NBN: variants seen among roughly 807,000 people sequenced by gnomAD.
NBN encodes Nijmegen breakage syndrome 1 (nibrin).
A neutral mutation model predicts 90.8 loss-of-function variants in NBN; 88 were observed. That is an observed-to-expected ratio of 0.97 (90% CI 0.82 to 1.16). NBN has a LOEUF of 1.16. Ranked by LOEUF, NBN falls within the 50% of genes most tolerant of loss-of-function variation. The pLI, the probability that NBN is intolerant of heterozygous loss-of-function variation, is 0.00. For missense variants in NBN, 894 were observed against 869.6 expected (o/e 1.03, Z -0.35); for synonymous variants, 328 against 295.1 (o/e 1.11, Z -1.14).
rs918518363 is a variant in NBN, at chr8:89,935,341, T to C, written c.*241A>G. 2 of 466,900 alleles carry C rather than the reference T, an allele frequency of 4.3e-6. No individual in the cohort carries two copies. The highest frequency in any genetic ancestry group is 3.6e-5 in the Admixed American group (1 of 27,774). 28.9% of individuals were successfully genotyped at this position (466,900 alleles called of 1,614,324 possible). ...AATTTTGAACTGTGACTATATTAAC[T>C]ATTTAATAAACAAAACACATTTAAA... is the stretch of plus-strand genomic sequence containing the variant. On this transcript the variant is annotated 3_prime_UTR_variant, in exon 16 of 16. Coordinates refer to ENST00000265433, the MANE Select transcript of NBN (RefSeq NM_002485.5).
intron 2 of NBN, chr8:89,982,282 T>G (rs1037114048): frequency 1.2e-5 from 3 of 244,640 alleles, no homozygotes; most frequent in Non-Finnish European, 2.5e-5. Flanking sequence ...AATGCCCGTT[T>G]CCACACAGCT....
intron 5 of NBN, among the ~76,000 whole-genome samples, chr8:89,972,211 C>T (rs1201148643): frequency 6.6e-6 from 1 of 152,202 alleles, no homozygotes; most frequent in Non-Finnish European, 1.5e-5. Context: ...TTACATCTTT[C>T]CCCTGGACTT....
intron 1 of NBN, chr8:89,984,068 A>G (rs913813692): frequency 5.5e-6 from 1 of 183,382 alleles, no homozygotes; most frequent in African/African-American, 2.4e-5. Context: ...GTCTGAAACA[A>G]AACTGAAAGT....
intron 9 of NBN, among the ~76,000 whole-genome samples, chr8:89,955,909 C>A (rs937895411): frequency 6.6e-6 from 1 of 151,756 alleles, no homozygotes; most frequent in African/African-American, 2.4e-5. Context: ...ATTATTCCCA[C>A]GTAAAATCAC....
At chr8:89,982,547 T>C (rs980205568) in intron 2 of NBN, 175 bp downstream of exon 2, 5 of 619,218 alleles carry the variant, frequency 8.1e-6, no homozygotes, top group African/African-American at 1.8e-5. Context: ...AATGAACAAA[T>C]ACCACTGGTA....
chr8:89,958,772 G>C lies in NBN; in HGVS notation c.1077C>G (p.Asn359Lys). 1 of 1,614,132 alleles carries C rather than the reference G, an allele frequency of 6.2e-7. No homozygotes were observed. Among genetic ancestry groups the C allele is most frequent in the Non-Finnish European group, 8.5e-7 (1 of 1,179,984 alleles). The stretch of plus-strand genomic sequence containing the variant: ...CTGTGTCAGCTACGTATGTTGTAGT[G>C]TTCACTGGGGCGCTTGGCATTAGTT... ...DEKLMPSAPVNTTTYVADTES... is the reference protein window; with the variant it reads ...DEKLMPSAPVKTTTYVADTES... Residue 359 changes from asparagine to lysine, a missense_variant, in exon 9 of 16, where the codon AAC becomes AAG. Coordinates refer to ENST00000265433, the MANE Select transcript of NBN (RefSeq NM_002485.5).
rs960047543 is a variant in NBN at position 89,944,562 on chromosome 8, G to A, written c.2071-1196C>T. On this transcript the variant is annotated intron_variant, in intron 13 of 15. Transcript: ENST00000265433. ...CCTTTTCCAAATCTATACTGTTGTCGGTAAATTCTTTTCACCAACCCGCAA... is the reference window on the plus strand; with the variant it reads ...CCTTTTCCAAATCTATACTGTTGTCAGTAAATTCTTTTCACCAACCCGCAA... Among the ~76,000 whole-genome samples, 4 of 151,968 alleles carry A rather than the reference G, an allele frequency of 2.6e-5. No individual in the cohort carries two copies. In the East Asian group the frequency reaches 5.8e-4, roughly 22 times the overall value.
chr8:89,955,283 CT>C lies in NBN; in HGVS notation c.1396del (p.Arg466GlyfsTer18), dbSNP rs1349928568. ...RNYFQPSTKK[R>X]ERDEENQEMS... ...ATGAGAGAAGTTATCAAAAACAGAC[CT>C]TTTTTTGGTAGACGGCTGAAAGTAG... On this transcript the variant is annotated frameshift_variant and splice_region_variant, in exon 10 of 16. Coordinates refer to ENST00000265433, the MANE Select transcript of NBN (RefSeq NM_002485.5). LOFTEE classifies it high-confidence loss of function. 2 of 1,612,980 alleles carry C rather than the reference CT, an allele frequency of 1.2e-6. No homozygotes were observed. Among genetic ancestry groups the C allele is most frequent in the Non-Finnish European group, 8.5e-7 (1 of 1,179,392 alleles).
intron 5 of NBN, among the ~76,000 whole-genome samples, chr8:89,974,565 C>T (rs746944346): frequency 1.2e-4 from 19 of 152,118 alleles, no homozygotes; most frequent in African/African-American, 2.9e-4. Flanking sequence ...AAGCAAGCAG[C>T]ATGAGCCCCA....
chr8:89,956,321 A>C (rs1810715374), intron 9 of NBN, among the ~76,000 whole-genome samples: 1 of 152,076 alleles, frequency 6.6e-6, no homozygotes, highest in Non-Finnish European at 1.5e-5. Context: ...AAAATAAATA[A>C]GGTTTAATAC....
At chr8:89,959,302 G>C (rs1810881746) in intron 8 of NBN, among the ~76,000 whole-genome samples, 1 of 152,116 alleles carries the variant, frequency 6.6e-6, no homozygotes, top group Admixed American at 6.5e-5. Context: ...ATAAACTTCT[G>C]GCTACTCCAG....
chr8:89,975,058 A>G (rs978933860), intron 5 of NBN, among the ~76,000 whole-genome samples: 3 of 152,238 alleles, frequency 2.0e-5, no homozygotes, highest in Admixed American at 1.3e-4. Flanking sequence ...TAGAGCACAG[A>G]TTATTGAAAT....
intron 9 of NBN, among the ~76,000 whole-genome samples, chr8:89,956,977 T>C (rs1394364744): frequency 6.6e-6 from 1 of 152,202 alleles, no homozygotes; most frequent in Non-Finnish European, 1.5e-5. Context: ...TGTATAAAAG[T>C]ATAGCACAAC....
In NBN at chr8:89,983,868, C is replaced by G. The variant is rs13312849; in HGVS notation, c.37+657G>C. Among the ~76,000 whole-genome samples the G allele has an allele frequency of 2.8e-4, 43 of 152,210 alleles. 1 individual carries two copies. Among genetic ancestry groups the G allele is most frequent in the Admixed American group, 2.0e-3 (30 of 15,292 alleles). ...TTTATTTAGTTTGGCGCTCTCCATA[C>G]TCTCTTACCCTGCCAGTCCATTTAG... is the stretch of plus-strand genomic sequence containing the variant. On this transcript the variant is annotated intron_variant, in intron 1 of 15. Coordinates refer to ENST00000265433, the MANE Select transcript of NBN (RefSeq NM_002485.5).
chr8:89,982,240 A>T (rs1812104890), intron 2 of NBN, among the ~76,000 whole-genome samples: 2 of 152,188 alleles, frequency 1.3e-5, no homozygotes, highest in African/African-American at 4.8e-5. Context: ...AAACAAATCA[A>T]TTCCCATTGC....
rs1554555764 is a variant in NBN at position 89,943,287 on chromosome 8, G to A, written c.2150C>T (p.Thr717Ile). The change falls in exon 14 of 16, where the codon ACA becomes ATA. Residue 717 changes from threonine to isoleucine, a missense_variant. Transcript: ENST00000265433. ...DLIAHHARKN[T>I]ELEEWLRQEM... ...CTGCCTTAGCCACTCTTCTAGTTCT[G>A]TATTCTTTCGAGCATGATGAGCTAT... is the stretch of plus-strand genomic sequence containing the variant. 2 of 1,613,622 alleles carry A rather than the reference G, an allele frequency of 1.2e-6. No individual in the cohort carries two copies. The highest frequency in any genetic ancestry group is 1.7e-6 in the Non-Finnish European group (2 of 1,179,750).
At chr8:89,951,605 G>A (rs983250964) in intron 11 of NBN, among the ~76,000 whole-genome samples, 8 of 152,116 alleles carry the variant, frequency 5.3e-5, no homozygotes, top group African/African-American at 1.7e-4. Flanking sequence ...CTTAGCAAAT[G>A]ATGTCTTGGA....
chr8:89,974,164 A>G (rs1425429755), intron 5 of NBN, among the ~76,000 whole-genome samples: 12 of 151,428 alleles, frequency 7.9e-5, no homozygotes. Flanking sequence ...AGCCACACAT[A>G]CTTATTTGTT....
At chr8:89,941,051 A>G (rs1223707994) in intron 14 of NBN, among the ~76,000 whole-genome samples, 2 of 152,216 alleles carry the variant, frequency 1.3e-5, no homozygotes, top group Non-Finnish European at 2.9e-5. Context: ...AGCCTAAGAA[A>G]ACCACAGTGA....
Sources: gnomAD v4.1 joint callset for allele counts (sites outside exome capture counted in the v4.1 genomes callset) on GRCh38, gnomAD v4.1.1 for gene constraint, MANE v1.5 for transcripts, NCBI Gene and HGNC (gene_info 2026-07-23, HGNC 2026-07-21) for gene names.